The following NTM variants were observed in gnomAD, a reference collection of about 807,000 sequenced individuals.
NTM encodes the protein neurotrimin, also known as IgLON family member 2.
A neutral mutation model predicts 42.1 loss-of-function variants in NTM; 13 were observed. That is an observed-to-expected ratio of 0.31 (90% CI 0.20 to 0.49). The LOEUF (loss-of-function observed/expected upper bound fraction) is 0.49. Among genes scored for constraint, NTM ranks in the 20% least tolerant of loss-of-function variants. The pLI, the probability that NTM is intolerant of heterozygous loss-of-function variation, is 0.99. For synonymous variants in NTM, 187 were observed against 179.2 expected (o/e 1.04, Z -0.35); for missense variants, 373 against 452.8 (o/e 0.82, Z 1.60).
intron 1 of NTM, among the ~76,000 whole-genome samples, chr11:131,583,050 C>T (rs1280200401): frequency 6.6e-6 from 1 of 152,222 alleles, no homozygotes; most frequent in Non-Finnish European, 1.5e-5. Flanking sequence ...CGGGTAGCGT[C>T]TCCCTGGCTC....
At chr11:132,019,400 A>T (rs980823760) in intron 2 of NTM, among the ~76,000 whole-genome samples, 4 of 152,016 alleles carry the variant, frequency 2.6e-5, no homozygotes, top group African/African-American at 9.7e-5. Flanking sequence ...GTTTCTTGAC[A>T]GTGGGGTATT....
chr11:132,047,892 G>T (rs2078240001), intron 2 of NTM, among the ~76,000 whole-genome samples: 2 of 152,112 alleles, frequency 1.3e-5, no homozygotes, highest in Admixed American at 6.5e-5. Context: ...GTCAAAGTTG[G>T]GTGGACGACC....
chr11:132,316,272 A>G (rs2095428378), intron 7 of NTM, among the ~76,000 whole-genome samples: 1 of 152,176 alleles, frequency 6.6e-6, no homozygotes, highest in Non-Finnish European at 1.5e-5. Flanking sequence ...AGTTCTCGTA[A>G]GAGTTGAATA....
intron 4 of NTM, among the ~76,000 whole-genome samples, chr11:132,292,492 G>A (rs76582344): frequency 6.6e-6 from 1 of 152,134 alleles, no homozygotes; most frequent in African/African-American, 2.4e-5. Flanking sequence ...GAGGCACTGA[G>A]AAGTTGGAAG....
At chr11:132,321,707 A>G (rs1363741306) in intron 7 of NTM, among the ~76,000 whole-genome samples, 5 of 151,180 alleles carry the variant, frequency 3.3e-5, no homozygotes, top group Non-Finnish European at 5.9e-5. Flanking sequence ...GAGAAGAGCA[A>G]CTCCAAGACA....
intron 4 of NTM, among the ~76,000 whole-genome samples, chr11:132,301,299 C>A (rs181215057): frequency 2.6e-5 from 4 of 152,212 alleles, no homozygotes; most frequent in Admixed American, 2.6e-4. Flanking sequence ...ATGGGGGAAA[C>A]CACTCCCATG....
chr11:131,942,997 A>T (rs2059974051), intron 2 of NTM, among the ~76,000 whole-genome samples: 1 of 151,554 alleles, frequency 6.6e-6, no homozygotes, highest in Non-Finnish European at 1.5e-5. Flanking sequence ...ACCGCAGGGC[A>T]TTCCTGGCAG....
At chr11:131,691,983 C>T (rs562566131) in intron 1 of NTM, among the ~76,000 whole-genome samples, 2 of 152,044 alleles carry the variant, frequency 1.3e-5, no homozygotes, top group Admixed American at 6.5e-5. Context: ...GATGGGACTG[C>T]GGGCAGGCGT....
At chr11:132,126,273 A>G (rs1362066133) in intron 2 of NTM, among the ~76,000 whole-genome samples, 1 of 152,154 alleles carries the variant, frequency 6.6e-6, no homozygotes, top group Non-Finnish European at 1.5e-5. Flanking sequence ...AGCTGTGGTG[A>G]GTTACTTCTT....
At chr11:131,765,525 G>T (rs942324843) in intron 1 of NTM, among the ~76,000 whole-genome samples, 5 of 152,032 alleles carry the variant, frequency 3.3e-5, no homozygotes, top group African/African-American at 7.2e-5. Flanking sequence ...TCCCCTCAAA[G>T]CTTCATGTAA....
chr11:131,574,984 G>T (rs1324668835), intron 1 of NTM, among the ~76,000 whole-genome samples: 3 of 152,156 alleles, frequency 2.0e-5, no homozygotes, highest in African/African-American at 7.2e-5. Flanking sequence ...CTCAGGCTTG[G>T]AAGAGACTTT....
At position 132,115,754 on chromosome 11, in the gene NTM, T is replaced by C. The variant is rs1591610920; in HGVS notation, c.168-30528T>C. Among the ~76,000 whole-genome samples, 5 of 152,354 alleles carry C rather than the reference T, an allele frequency of 3.3e-5. 1 individual carries two copies. Among genetic ancestry groups the C allele is most frequent in the Admixed American group, 3.3e-4 (5 of 15,302 alleles). On this transcript the variant is annotated intron_variant, in intron 2 of 8. Coordinates refer to ENST00000683400, the MANE Select transcript of NTM (RefSeq NM_001352005.2). Reference sequence around the variant, plus strand: ...GTTTGCTTAATTTACAAAATGATGATGTTGCGTTCCTCTCCCTTCATTGAT... The same window carrying C: ...GTTTGCTTAATTTACAAAATGATGACGTTGCGTTCCTCTCCCTTCATTGAT...
At chr11:131,604,831 T>A (rs2137462516) in intron 1 of NTM, among the ~76,000 whole-genome samples, 1 of 152,112 alleles carries the variant, frequency 6.6e-6, no homozygotes, top group South Asian at 2.1e-4. Flanking sequence ...CATTGAATTT[T>A]CTTGGCACAC....
intron 1 of NTM, among the ~76,000 whole-genome samples, chr11:131,380,005 G>A (rs78458567): frequency 0.022 from 3,321 of 152,152 alleles, 111 homozygotes; most frequent in African/African-American, 0.076. Flanking sequence ...GAAATCCTAA[G>A]GGTCTGTCCT....
chr11:131,450,495 T>A (rs1349890776), intron 1 of NTM, among the ~76,000 whole-genome samples: 2 of 152,084 alleles, frequency 1.3e-5, no homozygotes, highest in Non-Finnish European at 2.9e-5. Flanking sequence ...CCAAGTCAGG[T>A]CTTGGTTTGA....
At chr11:132,248,778 C>G (rs1015396746) in intron 4 of NTM, among the ~76,000 whole-genome samples, 40 of 152,248 alleles carry the variant, frequency 2.6e-4, no homozygotes, top group Admixed American at 2.6e-3. Context: ...GTATCAGCCA[C>G]TCAGCATGGA....
At chr11:131,538,057 T>A (rs942928446) in intron 1 of NTM, 2 of 152,240 alleles carry the variant, frequency 1.3e-5, no homozygotes, top group African/African-American at 4.8e-5. Context: ...TGGAGAACAC[T>A]CACTATTTTC....
intron 2 of NTM, among the ~76,000 whole-genome samples, chr11:132,113,531 A>C (rs1236220839): frequency 1.3e-5 from 2 of 152,148 alleles, no homozygotes; most frequent in African/African-American, 2.4e-5. Flanking sequence ...TCTGGCATGC[A>C]CTGGATTCTC....
chr11:131,538,921 C>CTTTTTTTTTTTTTTT (rs58463755), intron 1 of NTM, among the ~76,000 whole-genome samples: 409 of 102,084 alleles, frequency 4.0e-3, no homozygotes, highest in Non-Finnish European at 6.0e-3. Context: ...GTTAACTTAG[C>CTTTTTTTTTTTTTTT]TTTTTTTTTT....
Sources: gnomAD v4.1 joint callset for allele counts (sites outside exome capture counted in the v4.1 genomes callset) on GRCh38, gnomAD v4.1.1 for gene constraint, MANE v1.5 for transcripts, NCBI Gene and HGNC (gene_info 2026-07-23, HGNC 2026-07-21) for gene names.